Variants in AARS1 observed in about 807,000 individuals in gnomAD.
AARS1 encodes alanyl-tRNA synthetase 1, also known as alanine--tRNA ligase, cytoplasmic.
Under a neutral mutation model 108.9 loss-of-function variants are expected in AARS1, and 72 were observed. That is an observed-to-expected ratio of 0.66 (90% CI 0.55 to 0.80). The LOEUF is 0.80. Ranked by LOEUF, AARS1 falls within the 30% of genes least tolerant of loss-of-function variation. The pLI is 0.00. For synonymous variants in AARS1, 489 were observed against 465.7 expected (o/e 1.05, Z -0.64); for missense variants, 1,193 against 1,233.2 (o/e 0.97, Z 0.49).
At chr16:70,288,425 T>C (rs1960922044) in intron 1 of AARS1, among the ~76,000 whole-genome samples, 1 of 149,930 alleles carries the variant, frequency 6.7e-6, no homozygotes, top group Admixed American at 6.6e-5. Context: ...CCCTTCTTGA[T>C]AAGGCTCCCC....
In AARS1 at chr16:70,254,391, A is replaced by G. The variant is rs528894322; in HGVS notation, c.2400+230T>C. On this transcript the variant is annotated intron_variant, in intron 17 of 20. Coordinates refer to ENST00000261772, the MANE Select transcript of AARS1 (RefSeq NM_001605.3). ...AATCCCTCCACCCCAGTGCCCATAC[A>G]TGCTTGGGAAGAGCTCTCCTGCTAG... 45 of 594,074 alleles carry G rather than the reference A, an allele frequency of 7.6e-5. 1 individual carries two copies. Among genetic ancestry groups the G allele is most frequent in the South Asian group, 7.2e-4 (38 of 52,616 alleles). The allele number at this position is 594,074 out of a possible 1,614,324, so 36.8% of individuals were successfully genotyped here. A position where few individuals can be genotyped will look rare whatever the true frequency, so the allele number is the denominator to read the frequency against.
At chr16:70,256,452 C>T (rs9931779) in intron 15 of AARS1, among the ~76,000 whole-genome samples, 11,821 of 152,026 alleles carry the variant, frequency 0.078, 1,481 homozygotes, top group African/African-American at 0.27. Context: ...TACAGGTGCC[C>T]GCCACCACTC....
intron 1 of AARS1, among the ~76,000 whole-genome samples, chr16:70,288,447 T>A (rs1054203936): frequency 1.3e-5 from 2 of 151,634 alleles, no homozygotes; most frequent in Non-Finnish European, 2.9e-5. Flanking sequence ...TCTTTTACTG[T>A]CTCACAGCCT....
intron 4 of AARS1, among the ~76,000 whole-genome samples, chr16:70,272,506 C>CAAAAAA: frequency 1.2e-4 from 2 of 17,026 alleles, no homozygotes; most frequent in Non-Finnish European, 2.2e-4. Flanking sequence ...AACTCCATCT[C>CAAAAAA]AAAAAAAAAA....
rs371595630 is a variant in AARS1, at chr16:70,259,161, T to C, written c.1811A>G (p.Asn604Ser). 253 of 1,614,016 alleles carry C rather than the reference T, an allele frequency of 1.6e-4. No homozygotes were observed. The highest frequency in any genetic ancestry group is 1.8e-4 in the Non-Finnish European group (218 of 1,180,038). ...GTTCAGAATGTGCGTAGCTGTGTGG[T>C]TGCTCATGATGGGTCTTCGTCGGGG... The part of the protein sequence containing the change: ...DEPRRRPIMS[N>S]HTATHILNFA... The change falls in exon 14 of 21, where the codon AAC (asparagine) becomes AGC (serine). Residue 604 changes from asparagine (N) to serine (S), a missense_variant. Transcript: ENST00000261772.
Position 70,254,760 on chromosome 16 carries a change from C to T in AARS1, c.2287-26G>A, listed in dbSNP as rs1332423920. ...CTGGGAGGGGACACCGGGTCAACCCCAAGCAGGAGGTCTGAGTCAGACTCA... is the reference window on the plus strand; with the variant it reads ...CTGGGAGGGGACACCGGGTCAACCCTAAGCAGGAGGTCTGAGTCAGACTCA... On this transcript the variant is annotated intron_variant, in intron 16 of 20. Coordinates refer to ENST00000261772, the MANE Select transcript of AARS1 (RefSeq NM_001605.3). 2.0e-6 allele frequency: 3 copies of T among 1,494,690 alleles called. No individual in the cohort carries two copies. In the Admixed American group the frequency reaches 5.0e-5, roughly 25 times the overall value. The allele number at this position is 1,494,690 out of a possible 1,614,324, so 92.6% of individuals were successfully genotyped here. A position where few individuals can be genotyped will look rare whatever the true frequency, so the allele number is the denominator to read the frequency against.
intron 1 of AARS1, among the ~76,000 whole-genome samples, 194 bp from the exon 2 acceptor site, chr16:70,282,978 T>C (rs1006104714): frequency 1.3e-5 from 2 of 152,140 alleles, no homozygotes; most frequent in Admixed American, 1.3e-4. Context: ...CTGTTCTTCC[T>C]TCCCATGCCA....
intron 8 of AARS1, 145 bp downstream of exon 8, chr16:70,268,126 C>A (rs1482053223): frequency 9.9e-6 from 8 of 806,240 alleles, no homozygotes; most frequent in Non-Finnish European, 1.7e-5. Context: ...CAAGATCACT[C>A]TATTGCACTC....
chr16:70,262,992 A>AAAAAAC (rs1960177660), intron 11 of AARS1, among the ~76,000 whole-genome samples: 3 of 141,606 alleles, frequency 2.1e-5, no homozygotes, highest in Non-Finnish European at 3.0e-5. Flanking sequence ...AAAAAAAAAA[A>AAAAAAC]AAAAAACAAC....
At chr16:70,261,348 C>T (rs1960126806) in intron 12 of AARS1, 191 bp from the exon 13 acceptor site, 1 of 458,828 alleles carries the variant, frequency 2.2e-6, no homozygotes, top group Admixed American at 2.8e-5. Context: ...GTAATCCCAG[C>T]ACTTTGGGAG....
rs116297318 is a variant in AARS1, at chr16:70,289,275, G to A, written c.-22+146C>T. 1,249 of 337,816 alleles carry A rather than the reference G, an allele frequency of 3.7e-3. 17 individuals are homozygous for A. Among genetic ancestry groups the A allele is most frequent in the African/African-American group, 0.025 (1,141 of 46,438 alleles). The allele number at this position is 337,816 out of a possible 1,614,324, so 20.9% of individuals were successfully genotyped here. On this transcript the variant is annotated intron_variant, in intron 1 of 20. Transcript: ENST00000261772. ...CCGGGGGCGAACGCAAGGCCACACT[G>A]TCCAGCTCCCGCTCCAGCCCAGACT...
At chr16:70,284,269 GC>G (rs775869999) in intron 1 of AARS1, among the ~76,000 whole-genome samples, 29 of 149,892 alleles carry the variant, frequency 1.9e-4, no homozygotes, top group Non-Finnish European at 3.5e-4. Flanking sequence ...TCGCGCCACT[GC>G]ACTCCAGCCT....
In AARS1 at chr16:70,252,560, AT is replaced by A; in HGVS notation, c.*160del. The A allele has an allele frequency of 1.3e-6, 1 of 770,168 alleles. No homozygotes were observed. 47.7% of individuals were successfully genotyped at this position (770,168 alleles called of 1,614,324 possible). ...CTGACGTGGAGGGCTCAGGGCAGAA[AT>A]TTAAGGGGCACTGAGACATAGGACT... On this transcript the variant is annotated 3_prime_UTR_variant, in exon 21 of 21. Coordinates refer to ENST00000261772, the MANE Select transcript of AARS1 (RefSeq NM_001605.3).
chr16:70,253,401 C>T lies in AARS1; in HGVS notation c.2608-20G>A, dbSNP rs746245734. 1 of 1,584,742 alleles carries T rather than the reference C, an allele frequency of 6.3e-7. No individual in the cohort carries two copies. The highest frequency in any genetic ancestry group is 8.7e-7 in the Non-Finnish European group (1 of 1,153,824). ...CAGGGCCTGTGGGGAGGACCTGGCT[C>T]AGGCCACGGTGCTGGAGCAGGGACC... On this transcript the variant is annotated intron_variant, in intron 19 of 20. Coordinates refer to ENST00000261772, the MANE Select transcript of AARS1 (RefSeq NM_001605.3).
At chr16:70,274,946 G>A (rs1200252235) in intron 4 of AARS1, among the ~76,000 whole-genome samples, 1 of 149,094 alleles carries the variant, frequency 6.7e-6, no homozygotes, top group Non-Finnish European at 1.5e-5. Flanking sequence ...AAAAAAAAAA[G>A]ACTTGTTTTG....
chr16:70,260,750 C>T (rs1205012691), intron 13 of AARS1, among the ~76,000 whole-genome samples: 1 of 152,004 alleles, frequency 6.6e-6, no homozygotes, highest in Non-Finnish European at 1.5e-5. Flanking sequence ...GCAAGCTCCC[C>T]CTCCCGGGTT....
chr16:70,287,582 T>C (rs1960881660), intron 1 of AARS1, among the ~76,000 whole-genome samples: 1 of 146,644 alleles, frequency 6.8e-6, no homozygotes, highest in Non-Finnish European at 1.5e-5. Context: ...GGGAGGTCAA[T>C]TTTTTTTTTA....
rs763082292 is a variant in AARS1, at chr16:70,282,667, G to C, written c.97C>G (p.Pro33Ala). ...AAGAGCAAAGTGGGGTCATCCAATG[G>C]GATGGTGGCAGACGAGTGAACATAC... The part of the protein sequence containing the change: ...HTYVHSSATI[P>A]LDDPTLLFAN... Residue 33 changes from proline (P) to alanine (A), a missense_variant, in exon 2 of 21, where the codon CCA becomes GCA. Pro to Ala is a conservative substitution (Grantham distance 27, BLOSUM62 -1). Coordinates refer to ENST00000261772, the MANE Select transcript of AARS1 (RefSeq NM_001605.3). 3.1e-6 allele frequency: 5 copies of C among 1,614,166 alleles called. No individual in the cohort carries two copies. Among genetic ancestry groups the C allele is most frequent in the South Asian group, 1.1e-5 (1 of 91,086 alleles).
intron 4 of AARS1, chr16:70,276,200 G>C (rs980636912): frequency 3.0e-5 from 6 of 198,276 alleles, no homozygotes; most frequent in Admixed American, 5.5e-5. Context: ...AGCTGACAGA[G>C]CAAGCTCTGT....
Sources: gnomAD v4.1 joint callset for allele counts (sites outside exome capture counted in the v4.1 genomes callset) on GRCh38, gnomAD v4.1.1 for gene constraint, MANE v1.5 for transcripts, NCBI Gene and HGNC (gene_info 2026-07-23, HGNC 2026-07-21) for gene names.